Variants in KCTD9 observed in about 807,000 individuals in gnomAD.
The protein encoded by KCTD9 is BTB/POZ domain-containing protein KCTD9.
In KCTD9, 17 loss-of-function variants were observed where a neutral mutation model predicts 53.3. The ratio of observed to expected loss-of-function variants is 0.32; its 90% CI spans 0.22 to 0.48. The LOEUF is 0.48. Ranked by LOEUF, KCTD9 falls within the 20% of genes least tolerant of loss-of-function variation. The pLI, the probability that KCTD9 is intolerant of heterozygous loss-of-function variation, is 0.99. For synonymous variants in KCTD9, 128 were observed against 162.7 expected, an observed-to-expected ratio of 0.79 and a Z score of 1.62; for missense variants, 179 against 465.5, an observed-to-expected ratio of 0.38 and a Z score of 5.66.
Position 25,446,131 on chromosome 8 carries a change from G to A in KCTD9, c.168C>T (p.Ile56=). The part of the protein sequence containing the change: ...KGGLIDDIAL[I]RDDDVLFVCE... ...GCTTATAAAAAGGTGAAGGTTACCT[G>A]ATCAAAGCAATATCATCAATCAGTC... The change falls in exon 2 of 12, where the codon ATC becomes ATT. Residue 56 remains isoleucine, a splice_region_variant and synonymous_variant. Transcript: ENST00000221200. 1 of 1,613,362 alleles carries A rather than the reference G, an allele frequency of 6.2e-7. No homozygotes were observed. The highest frequency in any genetic ancestry group is 8.5e-7 in the Non-Finnish European group (1 of 1,179,636).
chr8:25,451,345 G>C (rs1361825592), intron 1 of KCTD9: 2 of 152,144 alleles, frequency 1.3e-5, no homozygotes, highest in Non-Finnish European at 2.9e-5. Context: ...TTTTGAGAAA[G>C]AGGAGCAATA....
At chr8:25,438,063 T>C (rs551968059) in intron 6 of KCTD9, among the ~76,000 whole-genome samples, 2 of 152,058 alleles carry the variant, frequency 1.3e-5, no homozygotes, top group Non-Finnish European at 2.9e-5. Flanking sequence ...GCTCTGCTTT[T>C]TGAACACTTG....
chr8:25,447,171 A>C (rs1802228497), intron 1 of KCTD9, among the ~76,000 whole-genome samples: 2 of 152,192 alleles, frequency 1.3e-5, no homozygotes, highest in South Asian at 4.1e-4. Context: ...AGACGGGCAG[A>C]GCACTTAAGG....
chr8:25,458,304 C>A lies in KCTD9; in HGVS notation c.-58G>T. 6.3e-7 allele frequency: 1 copy of A among 1,593,186 alleles called. No individual in the cohort carries two copies. Among genetic ancestry groups the A allele is most frequent in the Non-Finnish European group, 8.6e-7 (1 of 1,164,678 alleles). Reference sequence around the variant, plus strand: ...CCACCCTCCCACCTGGTCCTCCTCCCACCTTTTTCTCCTCCCGCCCTTCCC... The same window carrying A: ...CCACCCTCCCACCTGGTCCTCCTCCAACCTTTTTCTCCTCCCGCCCTTCCC... On this transcript the variant is annotated 5_prime_UTR_variant, in exon 1 of 12. Coordinates refer to ENST00000221200, the MANE Select transcript of KCTD9 (RefSeq NM_017634.4).
chr8:25,440,812 C>G, intron 3 of KCTD9, 139 bp from the exon 4 acceptor site: 1 of 634,174 alleles, frequency 1.6e-6, no homozygotes, highest in South Asian at 1.8e-5. Flanking sequence ...CCCAAACCCA[C>G]AGACTGCATC....
chr8:25,450,590 G>C, intron 1 of KCTD9: 1 of 237,424 alleles, frequency 4.2e-6, no homozygotes, highest in South Asian at 1.5e-4. Flanking sequence ...AAGGTGGGTG[G>C]ATCACCTGAG....
At chr8:25,456,375 A>T (rs1316367713) in intron 1 of KCTD9, among the ~76,000 whole-genome samples, 1 of 152,182 alleles carries the variant, frequency 6.6e-6, no homozygotes, top group East Asian at 1.9e-4. Context: ...TAGTCACTTT[A>T]TATATAAAAA....
At chr8:25,437,896 C>T (rs1802049720) in intron 6 of KCTD9, among the ~76,000 whole-genome samples, 5 of 149,380 alleles carry the variant, frequency 3.3e-5, no homozygotes, top group Admixed American at 3.3e-4. Flanking sequence ...GATTTGAATC[C>T]CAGCTCTGCC....
intron 10 of KCTD9, among the ~76,000 whole-genome samples, chr8:25,433,076 T>A (rs1251849588): frequency 6.6e-6 from 1 of 152,234 alleles, no homozygotes; most frequent in East Asian, 1.9e-4. Flanking sequence ...TTTAAGATGT[T>A]GATATTTAAT....
chr8:25,446,327 G>C (rs1273190297), intron 1 of KCTD9, 77 bp from the exon 2 acceptor site: 10 of 1,475,264 alleles, frequency 6.8e-6, no homozygotes, highest in Non-Finnish European at 9.3e-6. Context: ...TACCACACTA[G>C]AACAGTGCTA....
chr8:25,458,347 G>A lies in KCTD9; in HGVS notation c.-101C>T. 7.3e-7 allele frequency: 1 copy of A among 1,363,952 alleles called. No homozygotes were observed. The highest frequency in any genetic ancestry group is 2.3e-5 in the East Asian group (1 of 42,680). The allele number at this position is 1,363,952 out of a possible 1,614,324, so 84.5% of individuals were successfully genotyped here. On this transcript the variant is annotated 5_prime_UTR_variant, in exon 1 of 12. Transcript: ENST00000221200. ...CCCTTCCCCTCCCTCCACCCACTCG[G>A]ATTCGCCTCCCTTCGCCACCTTCCT...
chr8:25,455,472 A>T (rs984199680), intron 1 of KCTD9, among the ~76,000 whole-genome samples: 6 of 152,112 alleles, frequency 3.9e-5, no homozygotes, highest in African/African-American at 1.4e-4. Flanking sequence ...CTTCTTTAAA[A>T]CTCAGCACTG....
At chr8:25,446,661 T>C (rs1397950199) in intron 1 of KCTD9, among the ~76,000 whole-genome samples, 1 of 152,234 alleles carries the variant, frequency 6.6e-6, no homozygotes, top group Non-Finnish European at 1.5e-5. Flanking sequence ...AATGAGTTCA[T>C]GCATAAGAGC....
In KCTD9 at chr8:25,440,612, T is replaced by C. The variant is rs1237312363; in HGVS notation, c.276A>G (p.Thr92=). The part of the protein sequence containing the change: ...GLLGFHTDWL[T]LNVGGRYFTT... ...TAAAGTACCGCCCTCCAACATTTAA[T>C]GTCAGCCAGTCTGTGTGGAATCCTA... The change falls in exon 4 of 12, where the codon ACA becomes ACG. Residue 92 remains threonine (T), a synonymous_variant. Coordinates refer to ENST00000221200, the MANE Select transcript of KCTD9 (RefSeq NM_017634.4). 6.2e-7 allele frequency: 1 copy of C among 1,612,726 alleles called. No individual in the cohort carries two copies. The highest frequency in any genetic ancestry group is 8.5e-7 in the Non-Finnish European group (1 of 1,178,874).
intron 1 of KCTD9, among the ~76,000 whole-genome samples, chr8:25,447,377 G>T (rs188599457): frequency 1.3e-5 from 2 of 152,074 alleles, no homozygotes; most frequent in Non-Finnish European, 2.9e-5. Flanking sequence ...ACCAAGCAAG[G>T]CTCTGTCTCC....
At chr8:25,450,891 A>G (rs2117438126) in intron 1 of KCTD9, among the ~76,000 whole-genome samples, 1 of 152,354 alleles carries the variant, frequency 6.6e-6, no homozygotes, top group African/African-American at 2.4e-5. Flanking sequence ...TAAGGTCTCC[A>G]TAGCTCCAGA....
intron 2 of KCTD9, among the ~76,000 whole-genome samples, chr8:25,445,757 T>C (rs1377098581): frequency 1.3e-5 from 2 of 152,040 alleles, no homozygotes; most frequent in East Asian, 3.9e-4. Flanking sequence ...GTAATGATTA[T>C]AAAATGCAAA....
intron 2 of KCTD9, among the ~76,000 whole-genome samples, chr8:25,444,729 A>G (rs1256132572): frequency 6.6e-6 from 1 of 152,146 alleles, no homozygotes; most frequent in Non-Finnish European, 1.5e-5. Context: ...TGGAGATGAA[A>G]TAAACTGTCA....
At chr8:25,452,676 A>T (rs1397307245) in intron 1 of KCTD9, among the ~76,000 whole-genome samples, 1 of 152,234 alleles carries the variant, frequency 6.6e-6, no homozygotes, top group East Asian at 1.9e-4. Flanking sequence ...GCTGTGTGCC[A>T]GGATACATAT....
Sources: gnomAD v4.1 joint callset for allele counts (sites outside exome capture counted in the v4.1 genomes callset) on GRCh38, gnomAD v4.1.1 for gene constraint, MANE v1.5 for transcripts, NCBI Gene and HGNC (gene_info 2026-07-23, HGNC 2026-07-21) for gene names.